COPZ1: variants seen among roughly 807,000 people sequenced by gnomAD.
COPZ1 encodes coat protein complex I subunit zeta 1, also known as coatomer subunit zeta-1.
A neutral mutation model predicts 31.7 loss-of-function variants in COPZ1; 4 were observed. The observed-to-expected ratio is 0.13, with a 90% confidence interval of 0.06 to 0.29. COPZ1 has a LOEUF of 0.29. Among genes scored for constraint, COPZ1 ranks in the 10% least tolerant of loss-of-function variants. The pLI, the probability that COPZ1 is intolerant of heterozygous loss-of-function variation, is 1.00. For missense variants in COPZ1, 156 were observed against 211.5 expected (o/e 0.74, Z 1.63); for synonymous variants, 74 against 79.0 (o/e 0.94, Z 0.33).
Position 54,350,801 on chromosome 12 carries a change from G to A in COPZ1, c.*278G>A. On this transcript the variant is annotated 3_prime_UTR_variant, in exon 9 of 9. Transcript: ENST00000262061. ...TTTCTAGACTGGATTATGCTCACATGCTCCCTTGCCCTGACATTTTTGTAA... is the reference window on the plus strand; with the variant it reads ...TTTCTAGACTGGATTATGCTCACATACTCCCTTGCCCTGACATTTTTGTAA... 1 of 509,170 alleles carries A rather than the reference G, an allele frequency of 2.0e-6. No homozygotes were observed. 31.5% of individuals were successfully genotyped at this position (509,170 alleles called of 1,614,324 possible).
chr12:54,331,173 CTTT>C (rs1000222358), intron 1 of COPZ1, among the ~76,000 whole-genome samples: 2 of 80,268 alleles, frequency 2.5e-5, no homozygotes, highest in African/African-American at 1.0e-4. Flanking sequence ...TTTTCACACT[CTTT>C]TTTTTTTTTT....
At chr12:54,347,233 G>A (rs748119076) in intron 5 of COPZ1, among the ~76,000 whole-genome samples, 32 of 152,192 alleles carry the variant, frequency 2.1e-4, no homozygotes, top group Non-Finnish European at 4.1e-4. Flanking sequence ...ACCAACCAAC[G>A]GATCTGAGGC....
At chr12:54,336,284 C>T (rs889227772) in intron 1 of COPZ1, among the ~76,000 whole-genome samples, 2 of 152,170 alleles carry the variant, frequency 1.3e-5, no homozygotes, top group African/African-American at 4.8e-5. Context: ...GTGGCTCACG[C>T]CTGTAATCCC....
Position 54,351,694 on chromosome 12 carries a change from C to T in COPZ1, c.*1171C>T, listed in dbSNP as rs1954151100. The T allele has an allele frequency of 6.6e-6, 1 of 152,224 alleles. No individual in the cohort carries two copies. Among genetic ancestry groups the T allele is most frequent in the African/African-American group, 2.4e-5 (1 of 41,436 alleles). 9.4% of individuals were successfully genotyped at this position (152,224 alleles called of 1,614,324 possible). ...CTTCCTGAGACTTAAGCATTCTGCC[C>T]CACTTACTAACTGCCAGTTCTCCAG... On this transcript the variant is annotated 3_prime_UTR_variant, in exon 9 of 9. Transcript: ENST00000262061.
Position 54,351,347 on chromosome 12 carries a change from G to T in COPZ1, c.*824G>T, listed in dbSNP as rs1025091775. The T allele has an allele frequency of 2.0e-5, 3 of 152,186 alleles. No individual in the cohort carries two copies. Among genetic ancestry groups the T allele is most frequent in the African/African-American group, 7.2e-5 (3 of 41,434 alleles). The allele number at this position is 152,186 out of a possible 1,614,324, so 9.4% of individuals were successfully genotyped here. On this transcript the variant is annotated 3_prime_UTR_variant, in exon 9 of 9. Transcript: ENST00000262061. ...CTCCATTCTAGTCTTGGGAAGAAAA[G>T]TTTCTACTCAGAACTGGGGAAGGAG... is the stretch of plus-strand genomic sequence containing the variant.
At chr12:54,342,333 G>A in intron 3 of COPZ1, 46 bp downstream of exon 3, 3 of 1,375,494 alleles carry the variant, frequency 2.2e-6, no homozygotes, top group Non-Finnish European at 3.1e-6. Flanking sequence ...GGGGAACCAT[G>A]GTGGAAAGGG....
At chr12:54,338,870 C>CT (rs1953919228) in intron 1 of COPZ1, among the ~76,000 whole-genome samples, 2 of 152,324 alleles carry the variant, frequency 1.3e-5, no homozygotes, top group South Asian at 4.1e-4. Context: ...CCCTCCTCTG[C>CT]CCCCGCAAAC....
chr12:54,327,949 G>T (rs186204118), intron 1 of COPZ1, among the ~76,000 whole-genome samples: 214 of 152,166 alleles, frequency 1.4e-3, no homozygotes, highest in African/African-American at 4.8e-3. Context: ...CCTGTGTGTA[G>T]TGGGTAAGCT....
intron 7 of COPZ1, among the ~76,000 whole-genome samples, chr12:54,348,318 A>G (rs539495850): frequency 6.6e-6 from 1 of 152,374 alleles, no homozygotes; most frequent in South Asian, 2.1e-4. Context: ...TACTTATTTA[A>G]TAAATGATAA....
At chr12:54,328,864 G>A (rs921074513) in intron 1 of COPZ1, among the ~76,000 whole-genome samples, 4 of 152,192 alleles carry the variant, frequency 2.6e-5, no homozygotes, top group African/African-American at 9.7e-5. Context: ...GCTGCAGGAT[G>A]TCGAGAAAAA....
intron 3 of COPZ1, 60 bp downstream of exon 3, chr12:54,342,347 G>A: frequency 8.2e-7 from 1 of 1,215,022 alleles, no homozygotes; most frequent in East Asian, 2.3e-5. Context: ...GAAAGGGGGT[G>A]GTAACAGGGC....
intron 1 of COPZ1, among the ~76,000 whole-genome samples, chr12:54,340,002 TG>T (rs1953945822): frequency 6.6e-6 from 1 of 151,732 alleles, no homozygotes. Flanking sequence ...TGTGTGTGTG[TG>T]TGTGTGTGTG....
intron 1 of COPZ1, among the ~76,000 whole-genome samples, chr12:54,336,797 G>T (rs895371713): frequency 1.3e-5 from 2 of 152,028 alleles, no homozygotes; most frequent in Non-Finnish European, 2.9e-5. Context: ...GCCGAGGCAG[G>T]CAGATCATGA....
chr12:54,342,221 T>A lies in COPZ1; in HGVS notation c.103T>A (p.Tyr35Asn). The A allele has an allele frequency of 6.2e-7, 1 of 1,613,426 alleles. No individual in the cohort carries two copies. Among genetic ancestry groups the A allele is most frequent in the South Asian group, 1.1e-5 (1 of 91,070 alleles). ...RLFAKYYDDTYPSVKEQKAFE... is the reference protein window; with the variant it reads ...RLFAKYYDDTNPSVKEQKAFE... Reference sequence around the variant, plus strand: ...CTCTGACCAGTACTATGACGACACCTACCCCAGTGTCAAGGAGCAAAAGGC... The same window carrying A: ...CTCTGACCAGTACTATGACGACACCAACCCCAGTGTCAAGGAGCAAAAGGC... Residue 35 changes from tyrosine to asparagine, a missense_variant, in exon 3 of 9, where the codon TAC (tyrosine) becomes AAC (asparagine). Physicochemically the swap from Tyr to Asn is moderately radical, Grantham distance 143. Coordinates refer to ENST00000262061, the MANE Select transcript of COPZ1 (RefSeq NM_016057.3).
chr12:54,332,079 C>G (rs1339985969), intron 1 of COPZ1, among the ~76,000 whole-genome samples: 2 of 152,194 alleles, frequency 1.3e-5, no homozygotes, highest in Non-Finnish European at 2.9e-5. Flanking sequence ...TAATCCAGCA[C>G]TTTGGGAGGC....
intron 1 of COPZ1, among the ~76,000 whole-genome samples, chr12:54,329,561 A>G (rs1953716083): frequency 6.6e-6 from 1 of 152,126 alleles, no homozygotes; most frequent in African/African-American, 2.4e-5. Context: ...GCCTGGGCAA[A>G]AAGTGAAACT....
At chr12:54,349,868 G>A in intron 8 of COPZ1, 1 of 642,346 alleles carries the variant, frequency 1.6e-6, no homozygotes, top group Non-Finnish European at 2.8e-6. Flanking sequence ...GTGAGCAGTG[G>A]CTGTCAGCCT....
At chr12:54,336,571 G>GA (rs1208558376) in intron 1 of COPZ1, among the ~76,000 whole-genome samples, 2 of 151,810 alleles carry the variant, frequency 1.3e-5, no homozygotes, top group Non-Finnish European at 2.9e-5. Context: ...AGCTGCCTTT[G>GA]AAAAATATTT....
intron 1 of COPZ1, among the ~76,000 whole-genome samples, chr12:54,330,243 C>A (rs535259319): frequency 3.9e-5 from 6 of 152,204 alleles, no homozygotes; most frequent in Non-Finnish European, 8.8e-5. Context: ...TGGGTTATTG[C>A]ACACCTAGTT....
Sources: allele counts gnomAD v4.1 joint callset (sites outside exome capture counted in the v4.1 genomes callset), GRCh38; gene constraint gnomAD v4.1.1; transcripts MANE v1.5; gene names NCBI Gene and HGNC (gene_info 2026-07-23, HGNC 2026-07-21).